ANKRD46: variants seen among roughly 807,000 people sequenced by gnomAD.
ANKRD46 encodes the protein ankyrin repeat domain-containing protein 46.
Under a neutral mutation model 19.8 loss-of-function variants are expected in ANKRD46, and 13 were observed. The ratio of observed to expected loss-of-function variants is 0.66; its 90% confidence interval spans 0.43 to 1.04. The LOEUF is 1.04. Ranked by LOEUF, ANKRD46 falls within the 50% of genes least tolerant of loss-of-function variation. The pLI is 0.00. For synonymous variants in ANKRD46, 91 were observed against 106.9 expected, an observed-to-expected ratio of 0.85 and a Z score of 0.92; for missense variants, 185 against 274.8, an observed-to-expected ratio of 0.67 and a Z score of 2.31.
At position 100,546,886 on chromosome 8, in the gene ANKRD46, C is replaced by G. The variant is rs969271160; in HGVS notation, c.-131+12825G>C. 1.3e-5 allele frequency among the ~76,000 whole-genome samples: 2 copies of G among 152,204 alleles called. No homozygotes were observed. Among genetic ancestry groups the G allele is most frequent in the Non-Finnish European group, 2.9e-5 (2 of 68,034 alleles). On this transcript the variant is annotated intron_variant, in intron 1 of 4. Transcript: ENST00000335659. The surrounding 1 kb of genome is among the most constrained non-coding windows in gnomAD (Gnocchi z 4.0). Reference sequence around the variant, plus strand: ...TTGGAGTTTAAGATTCAATGACTGCCTGGCTGGGTTTCAGACTTGCATGAG... The same window carrying G: ...TTGGAGTTTAAGATTCAATGACTGCGTGGCTGGGTTTCAGACTTGCATGAG...
intron 4 of ANKRD46, 123 bp from the exon 5 acceptor site, chr8:100,522,894 CACACACACACATATATAT>C (rs1811759731): frequency 5.2e-6 from 3 of 572,240 alleles, no homozygotes; most frequent in Non-Finnish European, 8.9e-6. Context: ...CACACACACA[CACACACACACATATATAT>C]ATATACACAC....
intron 5 of ANKRD46, among the ~76,000 whole-genome samples, chr8:100,514,978 A>T (rs752860525): frequency 1.6e-4 from 24 of 152,296 alleles, no homozygotes; most frequent in Non-Finnish European, 2.8e-4. Flanking sequence ...TTGCCTTTTC[A>T]GAGATGCTTC....
intron 1 of ANKRD46, among the ~76,000 whole-genome samples, chr8:100,535,945 T>C (rs925676863): frequency 6.6e-6 from 1 of 152,034 alleles, no homozygotes; most frequent in Non-Finnish European, 1.5e-5. Flanking sequence ...GACCTGAAGA[T>C]TGTGACTAAA....
intron 1 of ANKRD46, among the ~76,000 whole-genome samples, chr8:100,541,867 C>T (rs76412962): frequency 0.017 from 2,612 of 152,268 alleles, 40 homozygotes; most frequent in Non-Finnish European, 0.029. Flanking sequence ...ATATTTGCCA[C>T]AGTATTAAAA....
In ANKRD46 at chr8:100,546,133, G is replaced by C. The variant is rs1812268888; in HGVS notation, c.-130-12822C>G. 6.6e-6 allele frequency among the ~76,000 whole-genome samples: 1 copy of C among 152,214 alleles called. No individual in the cohort carries two copies. Among genetic ancestry groups the C allele is most frequent in the South Asian group, 2.1e-4 (1 of 4,816 alleles). ...AGAAAAGAAAACCCCATTTTCTGGG[G>C]AGAAACTCAAGCATGCTACAGAAAT... On this transcript the variant is annotated intron_variant, in intron 1 of 4. Transcript: ENST00000335659. This position sits in a 1 kb window ranked among gnomAD's most constrained non-coding sequence, Gnocchi z 4.0.
At chr8:100,551,195 C>G in intron 1 of ANKRD46, 1 of 443,566 alleles carries the variant, frequency 2.3e-6, no homozygotes, top group East Asian at 5.1e-5. Context: ...ATTGTGGTCA[C>G]AAGTCCTTCC....
At chr8:100,518,687 T>TA (rs1811672924), downstream of ANKRD46, among the ~76,000 whole-genome samples, 3 of 151,822 alleles carry the variant, frequency 2.0e-5, no homozygotes, top group South Asian at 4.2e-4. Flanking sequence ...CCGTCTCTGC[T>TA]AAAAAATACA....
In ANKRD46 at chr8:100,522,492, C is replaced by G. The variant is rs779832755; in HGVS notation, c.*63G>C. On this transcript the variant is annotated 3_prime_UTR_variant, in exon 5 of 5. Transcript: ENST00000335659. ...TTGCGCTAAGAAAAATTCTGAGAAA[C>G]TGAGAACAAACATTGGAAGCCAGGA... 3 of 1,587,200 alleles carry G rather than the reference C, an allele frequency of 1.9e-6. No individual in the cohort carries two copies. The highest frequency in any genetic ancestry group is 2.6e-6 in the Non-Finnish European group (3 of 1,165,968).
Position 100,510,161 on chromosome 8 carries a change from C to T in ANKRD46, c.*416G>A, listed in dbSNP as rs1430778632. 5.9e-6 allele frequency: 1 copy of T among 169,760 alleles called. No homozygotes were observed. Among genetic ancestry groups the T allele is most frequent in the Non-Finnish European group, 1.2e-5 (1 of 80,046 alleles). 10.5% of individuals were successfully genotyped at this position (169,760 alleles called of 1,614,324 possible). ...TTTTTTCCCCAGACCGTTTTCTTCA[C>T]AACTGAAATTGGATCCCCACAGTCC... is the stretch of plus-strand genomic sequence containing the variant. On this transcript the variant is annotated 3_prime_UTR_variant, in exon 6 of 6. Transcript: ENST00000520552. The surrounding 1 kb of genome is among the most constrained non-coding windows in gnomAD (Gnocchi z 4.9).
intron 4 of ANKRD46, among the ~76,000 whole-genome samples, chr8:100,526,166 A>G (rs964107050): frequency 1.2e-4 from 18 of 152,226 alleles, no homozygotes; most frequent in Admixed American, 1.0e-3. Flanking sequence ...AATGGCAGGT[A>G]TGTGAAGGAA....
rs2130715813 is a variant in ANKRD46 at position 100,557,202 on chromosome 8, G to C, written c.-131+2509C>G. 1.3e-5 allele frequency among the ~76,000 whole-genome samples: 2 copies of C among 152,238 alleles called. No homozygotes were observed. The highest frequency in any genetic ancestry group is 6.8e-3 in the Middle Eastern group (2 of 294). ...CGTCTCTATAACCCCACTTGAACAG[G>C]CATCTCAAACCTGACTAAAACTGGC... On this transcript the variant is annotated intron_variant, in intron 1 of 4. Coordinates refer to ENST00000335659, the MANE Select transcript of ANKRD46 (RefSeq NM_001270377.2). The surrounding 1 kb of genome is among the most constrained non-coding windows in gnomAD (Gnocchi z 5.9).
chr8:100,521,366 C>T lies in ANKRD46; in HGVS notation c.*1189G>A. 1.0e-6 allele frequency: 1 copy of T among 985,334 alleles called. No individual in the cohort carries two copies. The highest frequency in any genetic ancestry group is 1.2e-6 in the Non-Finnish European group (1 of 829,878). The allele number at this position is 985,334 out of a possible 1,614,324, so 61.0% of individuals were successfully genotyped here. On this transcript the variant is annotated 3_prime_UTR_variant, in exon 5 of 5. Coordinates refer to ENST00000335659, the MANE Select transcript of ANKRD46 (RefSeq NM_001270377.2). ...ACCCAATAAATAATTATCAAGCCTT[C>T]ATATTCTTTTTTAACCACTCAAGAA...
At chr8:100,555,808 G>C (rs940981721) in intron 1 of ANKRD46, among the ~76,000 whole-genome samples, 1 of 132,942 alleles carries the variant, frequency 7.5e-6, no homozygotes, top group African/African-American at 2.8e-5. Context: ...TAAAATTATT[G>C]GATTTAAAAA....
downstream of ANKRD46, among the ~76,000 whole-genome samples, chr8:100,518,879 A>G (rs545686670): frequency 6.6e-6 from 1 of 152,252 alleles, no homozygotes; most frequent in African/African-American, 2.4e-5. Flanking sequence ...AAAATAAAAA[A>G]ATAAAACTAT....
At chr8:100,528,591 T>C (rs1410833754) in intron 3 of ANKRD46, among the ~76,000 whole-genome samples, 1 of 151,642 alleles carries the variant, frequency 6.6e-6, no homozygotes, top group South Asian at 2.1e-4. Context: ...TAAATCTAGT[T>C]CTAGATTCAT....
rs935850335 is a variant in ANKRD46 at position 100,528,667 on chromosome 8, CAAAT to C, written c.312-668_312-665del. On this transcript the variant is annotated intron_variant, in intron 3 of 4. Transcript: ENST00000335659. The stretch of plus-strand genomic sequence containing the variant: ...TTAAAAAAGTCTAAGAAAAAAATGT[CAAAT>C]AAGCTGCTTCGGTTCACGCAGCTAT... Among the ~76,000 whole-genome samples, 6 of 152,058 alleles carry C rather than the reference CAAAT, an allele frequency of 3.9e-5. No individual in the cohort carries two copies. In the East Asian group the frequency reaches 9.7e-4, roughly 25 times the overall value.
At chr8:100,528,517 C>CTT (rs775087189) in intron 3 of ANKRD46, among the ~76,000 whole-genome samples, 67 of 126,396 alleles carry the variant, frequency 5.3e-4, no homozygotes, top group African/African-American at 1.8e-3. Flanking sequence ...CCTTGTTTTT[C>CTT]TTTTTTTTTT....
chr8:100,558,623 C>G (rs1038472217), intron 1 of ANKRD46, among the ~76,000 whole-genome samples: 1 of 152,160 alleles, frequency 6.6e-6, no homozygotes, highest in African/African-American at 2.4e-5. Context: ...ACCATGAAAA[C>G]TAAGCCTGAG....
chr8:100,515,501 C>T (rs1342541703), intron 5 of ANKRD46, among the ~76,000 whole-genome samples: 22 of 152,186 alleles, frequency 1.4e-4, no homozygotes, highest in Non-Finnish European at 3.2e-4. Flanking sequence ...CAGAAATCCA[C>T]ATCCTCAGCT....
Sources: allele counts gnomAD v4.1 joint callset (sites outside exome capture counted in the v4.1 genomes callset), GRCh38; gene constraint gnomAD v4.1.1; non-coding constraint Gnocchi (gnomAD v3.1); transcripts MANE v1.5; gene names NCBI Gene and HGNC (gene_info 2026-07-23, HGNC 2026-07-21).